The following DACH1 variants were observed in gnomAD, a reference collection of about 807,000 sequenced individuals.
The protein encoded by DACH1 is dachshund family transcription factor 1.
In DACH1, 12 loss-of-function variants were observed where a neutral mutation model predicts 54.2. The observed-to-expected ratio is 0.22, with a 90% CI of 0.14 to 0.36. The LOEUF (loss-of-function observed/expected upper bound fraction) is 0.36. DACH1 is among the 10% of genes least tolerant of loss of function. DACH1 has a pLI of 1.00. For missense variants in DACH1, 805 were observed against 929.8 expected, an observed-to-expected ratio of 0.87 and a Z score of 1.75; for synonymous variants, 386 against 366.2, an observed-to-expected ratio of 1.05 and a Z score of -0.62.
intron 1 of DACH1, among the ~76,000 whole-genome samples, chr13:71,821,429 A>ATTTAAATTTAAATTTTAAGAT (rs1888181456): frequency 7.6e-6 from 1 of 131,122 alleles, no homozygotes; most frequent in Admixed American, 7.7e-5. Flanking sequence ...AAGATTTTAA[A>ATTTAAATTTAAATTTTAAGAT]TTTAAATTTA....
intron 1 of DACH1, among the ~76,000 whole-genome samples, chr13:71,816,077 T>A (rs7323322): frequency 0.034 from 5,156 of 151,250 alleles, 281 homozygotes; most frequent in African/African-American, 0.12. Flanking sequence ...AGAGCGAGAC[T>A]CCGTCTCCAA....
At chr13:71,843,772 G>A (rs964258501) in intron 1 of DACH1, among the ~76,000 whole-genome samples, 11 of 152,088 alleles carry the variant, frequency 7.2e-5, no homozygotes, top group Non-Finnish European at 5.9e-5. Context: ...AACACTCTTC[G>A]TTGTACATTG....
At chr13:71,507,436 A>G (rs1880426440) in intron 6 of DACH1, among the ~76,000 whole-genome samples, 1 of 152,194 alleles carries the variant, frequency 6.6e-6, no homozygotes, top group South Asian at 2.1e-4. Flanking sequence ...CTATTTTTAC[A>G]ATTGTTAAAT....
intron 3 of DACH1, among the ~76,000 whole-genome samples, chr13:71,596,542 T>C (rs1874110074): frequency 6.6e-6 from 1 of 152,198 alleles, no homozygotes; most frequent in East Asian, 1.9e-4. Context: ...AGAAAGCATA[T>C]AAACAAAGAG....
chr13:71,728,919 G>T (rs1220881542), intron 1 of DACH1, among the ~76,000 whole-genome samples: 1 of 151,838 alleles, frequency 6.6e-6, no homozygotes, highest in East Asian at 1.9e-4. Context: ...GGTTTTTGAG[G>T]TTTTTTTAAC....
intron 1 of DACH1, among the ~76,000 whole-genome samples, chr13:71,803,686 C>A (rs1232422184): frequency 6.6e-6 from 1 of 152,076 alleles, no homozygotes; most frequent in African/African-American, 2.4e-5. Context: ...GTGGAAAAAG[C>A]TTTAAGTTTT....
chr13:71,680,579 A>G (rs1180662158), intron 2 of DACH1, among the ~76,000 whole-genome samples: 1 of 152,224 alleles, frequency 6.6e-6, no homozygotes, highest in African/African-American at 2.4e-5. Flanking sequence ...ATTACAGCCC[A>G]GGTAATAGAG....
intron 3 of DACH1, among the ~76,000 whole-genome samples, chr13:71,596,305 G>A (rs1874092876): frequency 6.6e-6 from 1 of 152,024 alleles, no homozygotes; most frequent in African/African-American, 2.4e-5. Context: ...AGTAACCACT[G>A]CATGCCGTGT....
chr13:71,506,294 G>A (rs1300682257), intron 6 of DACH1, among the ~76,000 whole-genome samples: 17 of 87,846 alleles, frequency 1.9e-4, no homozygotes, highest in Admixed American at 1.8e-3. Context: ...CCCTCCCCCC[G>A]CCCCACAACA....
At position 71,538,779 on chromosome 13, in the gene DACH1, C is replaced by T. The variant is rs73521250; in HGVS notation, c.1570+18245G>A. Among the ~76,000 whole-genome samples, 971 of 152,124 alleles carry T rather than the reference C, an allele frequency of 6.4e-3. 10 individuals carry two copies. The highest frequency in any genetic ancestry group is 0.022 in the African/African-American group (915 of 41,528). Reference sequence around the variant, plus strand: ...CAAATGCTGGCACCTATCTTACCTACGGAGCTCTAGATTTTATTTAAAACA... The same window carrying T: ...CAAATGCTGGCACCTATCTTACCTATGGAGCTCTAGATTTTATTTAAAACA... On this transcript the variant is annotated intron_variant, in intron 6 of 10. Coordinates refer to ENST00000613252, the MANE Select transcript of DACH1 (RefSeq NM_080759.6).
chr13:71,711,275 T>C (rs1882713022), intron 1 of DACH1, among the ~76,000 whole-genome samples: 1 of 151,962 alleles, frequency 6.6e-6, no homozygotes, highest in African/African-American at 2.4e-5. Context: ...ATAGATGAGA[T>C]ATGAAAAAAT....
rs149348404 is a variant in DACH1 at position 71,636,211 on chromosome 13, T to A, written c.965-5494A>T. ...TCCACAGAATATTTCTGAAATGGAC[T>A]AAGGAATCTGTGGTTTTGCATAAAA... On this transcript the variant is annotated intron_variant, in intron 2 of 10. Coordinates refer to ENST00000613252, the MANE Select transcript of DACH1 (RefSeq NM_080759.6). Among the ~76,000 whole-genome samples, 53 of 152,258 alleles carry A rather than the reference T, an allele frequency of 3.5e-4. No individual in the cohort carries two copies. The East Asian group carries it at 6.4e-3, about 18-fold the overall frequency.
At position 71,479,169 on chromosome 13, in the gene DACH1, C is replaced by A; in HGVS notation, c.1870G>T (p.Ala624Ser). 1 of 1,599,706 alleles carries A rather than the reference C, an allele frequency of 6.3e-7. No individual in the cohort carries two copies. The highest frequency in any genetic ancestry group is 1.1e-5 in the South Asian group (1 of 87,830). ...AACTTATCTGGAAATTTGGAAATAC[C>A]TCTATTCTTTTGTTCCATAGCCAAC... is the stretch of plus-strand genomic sequence containing the variant. ...KQLAMEQKNR[A>S]IVQKRLKKEK... The change falls in exon 8 of 11, where the codon GCC (alanine) becomes TCC (serine). Residue 624 changes from alanine to serine, a missense_variant and splice_region_variant. Ala to Ser is a moderately conservative substitution (Grantham distance 99). This residue lies in a region of DACH1 where 472 missense variants were observed against 545.3 expected (regional missense o/e 0.87). Transcript: ENST00000613252.
chr13:71,762,762 T>A (rs368399611), intron 1 of DACH1, among the ~76,000 whole-genome samples: 16 of 130,018 alleles, frequency 1.2e-4, no homozygotes, highest in African/African-American at 4.2e-4. Flanking sequence ...GAGTGAAACT[T>A]TGTCTCAAAA....
intron 2 of DACH1, among the ~76,000 whole-genome samples, chr13:71,668,620 T>C (rs1880013786): frequency 6.6e-6 from 1 of 152,030 alleles, no homozygotes; most frequent in African/African-American, 2.4e-5. Flanking sequence ...AACAAAATTT[T>C]TTTTTTTAAA....
At chr13:71,533,750 A>G (rs551120846) in intron 6 of DACH1, among the ~76,000 whole-genome samples, 8 of 149,620 alleles carry the variant, frequency 5.3e-5, no homozygotes, top group Non-Finnish European at 1.0e-4. Flanking sequence ...TCTCTCTCTG[A>G]GTGTGTGTCA....
At chr13:71,854,313 C>CA (rs113440183) in intron 1 of DACH1, among the ~76,000 whole-genome samples, 9,513 of 145,674 alleles carry the variant, frequency 0.065, 470 homozygotes, top group African/African-American at 0.15. Flanking sequence ...ACTAGAGTTT[C>CA]AAAAAAAAAA....
At chr13:71,708,216 A>G (rs1044397102) in intron 1 of DACH1, among the ~76,000 whole-genome samples, 3 of 152,126 alleles carry the variant, frequency 2.0e-5, no homozygotes, top group Admixed American at 1.3e-4. Context: ...GCCTCGATCT[A>G]TAACAACAAA....
chr13:71,749,920 G>A (rs1884845941), intron 1 of DACH1, among the ~76,000 whole-genome samples: 1 of 152,086 alleles, frequency 6.6e-6, no homozygotes. Flanking sequence ...TTGAAGAAAG[G>A]GACCACCAGT....
Sources: gnomAD v4.1 joint callset for allele counts (sites outside exome capture counted in the v4.1 genomes callset) on GRCh38, gnomAD v4.1.1 for gene constraint, gnomAD v4.1.1 regional missense constraint, MANE v1.5 for transcripts, NCBI Gene and HGNC (gene_info 2026-07-23, HGNC 2026-07-21) for gene names.